The following MOB3B variants were observed in gnomAD, a reference collection of about 807,000 sequenced individuals.
MOB3B encodes the protein MOB kinase activator 3B.
Under a neutral mutation model 18.7 loss-of-function variants are expected in MOB3B, and 7 were observed. That is an observed-to-expected ratio of 0.37 (90% confidence interval 0.21 to 0.70). The LOEUF (loss-of-function observed/expected upper bound fraction) is 0.70. Among genes scored for constraint, MOB3B ranks in the 30% least tolerant of loss-of-function variants. The pLI is 0.52. For synonymous variants in MOB3B, 111 were observed against 99.9 expected (o/e 1.11, Z -0.66); for missense variants, 253 against 281.3 (o/e 0.90, Z 0.72).
intron 2 of MOB3B, among the ~76,000 whole-genome samples, chr9:27,440,991 AG>A (rs1398462483): frequency 2.0e-5 from 3 of 152,074 alleles, no homozygotes; most frequent in Non-Finnish European, 2.9e-5. Flanking sequence ...TCTCATAAGG[AG>A]TGAGCAATCT....
intron 2 of MOB3B, among the ~76,000 whole-genome samples, chr9:27,434,984 C>T (rs62541574): frequency 0.18 from 26,973 of 151,976 alleles, 2,680 homozygotes; most frequent in Middle Eastern, 0.27. Flanking sequence ...ACAGGCAGAG[C>T]TCTGAAAAGT....
At chr9:27,524,947 T>TC (rs1475004189) in intron 1 of MOB3B, 3 of 1,587,986 alleles carry the variant, frequency 1.9e-6, no homozygotes, top group African/African-American at 2.7e-5. Context: ...ACAGCTCTAT[T>TC]CAGGAGGAAA....
At chr9:27,390,894 G>A (rs553659513) in intron 2 of MOB3B, among the ~76,000 whole-genome samples, 2 of 152,158 alleles carry the variant, frequency 1.3e-5, no homozygotes, top group East Asian at 1.9e-4. Flanking sequence ...CTTCCTCCCC[G>A]CTTCCACCAC....
intron 3 of MOB3B, among the ~76,000 whole-genome samples, chr9:27,333,576 C>T (rs569409461): frequency 7.2e-5 from 11 of 152,230 alleles, no homozygotes; most frequent in African/African-American, 2.4e-4. Context: ...AACTCCAAAA[C>T]GTGTATTAAA....
At chr9:27,414,197 A>G (rs531563707) in intron 2 of MOB3B, among the ~76,000 whole-genome samples, 19 of 152,312 alleles carry the variant, frequency 1.2e-4, no homozygotes, top group African/African-American at 4.1e-4. Flanking sequence ...ATAAATGCCA[A>G]CTTCTACATA....
intron 2 of MOB3B, among the ~76,000 whole-genome samples, chr9:27,428,908 A>G (rs1390309822): frequency 1.3e-5 from 2 of 152,224 alleles, no homozygotes; most frequent in African/African-American, 4.8e-5. Flanking sequence ...CAAAGCCTGA[A>G]TAATGTCTAA....
chr9:27,355,227 C>T (rs73433037), intron 3 of MOB3B, among the ~76,000 whole-genome samples: 4,640 of 152,176 alleles, frequency 0.03, 195 homozygotes, highest in African/African-American at 0.091. Flanking sequence ...AGATGTGTGG[C>T]TGTGCATGGT....
At chr9:27,350,221 CA>C (rs1821085274) in intron 3 of MOB3B, among the ~76,000 whole-genome samples, 1 of 118,454 alleles carries the variant, frequency 8.4e-6, no homozygotes, top group African/African-American at 3.3e-5. Context: ...TAGAAAGCCC[CA>C]AAAAGTATAT....
At chr9:27,353,142 G>A (rs1449562694) in intron 3 of MOB3B, among the ~76,000 whole-genome samples, 1 of 152,212 alleles carries the variant, frequency 6.6e-6, no homozygotes. Context: ...ACATTTGAGG[G>A]TAATTGTCAT....
intron 2 of MOB3B, among the ~76,000 whole-genome samples, chr9:27,446,508 T>C (rs1822694625): frequency 6.6e-6 from 1 of 152,208 alleles, no homozygotes; most frequent in Non-Finnish European, 1.5e-5. Flanking sequence ...CTTTCATTTG[T>C]TCCCCAAGCT....
intron 1 of MOB3B, among the ~76,000 whole-genome samples, chr9:27,511,650 T>A (rs1820148421): frequency 6.6e-6 from 1 of 152,218 alleles, no homozygotes; most frequent in Non-Finnish European, 1.5e-5. Context: ...TTGAAAAGAA[T>A]TTAAATCCTT....
chr9:27,479,376 C>G (rs1819611464), intron 1 of MOB3B, among the ~76,000 whole-genome samples: 1 of 152,212 alleles, frequency 6.6e-6, no homozygotes, highest in Non-Finnish European at 1.5e-5. Flanking sequence ...CTAATCACCT[C>G]TTAAACTTCC....
intron 1 of MOB3B, among the ~76,000 whole-genome samples, chr9:27,469,684 G>C (rs1819441297): frequency 6.6e-6 from 1 of 152,146 alleles, no homozygotes; most frequent in Non-Finnish European, 1.5e-5. Flanking sequence ...ACAGACCTGG[G>C]GCTGAAAACA....
At chr9:27,378,024 A>C (rs1021991302) in intron 2 of MOB3B, among the ~76,000 whole-genome samples, 1 of 152,216 alleles carries the variant, frequency 6.6e-6, no homozygotes, top group South Asian at 2.1e-4. Context: ...CACTTAGACT[A>C]AGAGTTTGTA....
chr9:27,361,011 C>G (rs182474857), intron 2 of MOB3B, among the ~76,000 whole-genome samples: 1 of 151,964 alleles, frequency 6.6e-6, no homozygotes, highest in Non-Finnish European at 1.5e-5. Context: ...ACACTGGGGG[C>G]GGGTCTGGAG....
At chr9:27,439,816 G>C (rs1276034559) in intron 2 of MOB3B, among the ~76,000 whole-genome samples, 1 of 152,114 alleles carries the variant, frequency 6.6e-6, no homozygotes, top group Non-Finnish European at 1.5e-5. Flanking sequence ...AATGGAGCCA[G>C]AAAGACCTAC....
At chr9:27,443,449 C>T (rs922031188) in intron 2 of MOB3B, among the ~76,000 whole-genome samples, 6 of 152,176 alleles carry the variant, frequency 3.9e-5, no homozygotes, top group Non-Finnish European at 5.9e-5. Context: ...TAAACGATTT[C>T]TTCCTTTCTT....
At chr9:27,424,399 A>G (rs1822297820) in intron 2 of MOB3B, among the ~76,000 whole-genome samples, 1 of 152,334 alleles carries the variant, frequency 6.6e-6, no homozygotes, top group Middle Eastern at 3.4e-3. Flanking sequence ...TGAAGGCCCA[A>G]AGAGATACAC....
chr9:27,338,186 T>C (rs77936620), intron 3 of MOB3B, among the ~76,000 whole-genome samples: 3,566 of 152,344 alleles, frequency 0.023, 106 homozygotes, highest in East Asian at 0.081. Context: ...TGGCCTTGCA[T>C]ACACCTTGCT....
Sources: gnomAD v4.1 joint callset for allele counts (sites outside exome capture counted in the v4.1 genomes callset) on GRCh38, gnomAD v4.1.1 for gene constraint, MANE v1.5 for transcripts, NCBI Gene and HGNC (gene_info 2026-07-23, HGNC 2026-07-21) for gene names.